SLC12A7: variants seen among roughly 807,000 people sequenced by gnomAD.
SLC12A7 encodes K-Cl cotransporter 4.
A neutral mutation model predicts 120.6 loss-of-function variants in SLC12A7; 100 were observed. The ratio of observed to expected loss-of-function variants is 0.83; its 90% CI spans 0.71 to 0.98. The LOEUF is 0.98. Ranked by LOEUF, SLC12A7 falls within the 50% of genes least tolerant of loss-of-function variation. The pLI is 0.00. For synonymous variants in SLC12A7, 760 were observed against 678.0 expected (o/e 1.12, Z -1.88); for missense variants, 1,373 against 1,548.1 (o/e 0.89, Z 1.90).
chr5:1,078,216 AG>A (rs1738591775), intron 11 of SLC12A7, among the ~76,000 whole-genome samples: 1 of 151,960 alleles, frequency 6.6e-6, no homozygotes, highest in Non-Finnish European at 1.5e-5. Flanking sequence ...TCAGCGGGGG[AG>A]GGGGTCCTGC....
At chr5:1,139,472 GC>G in the SLC12A7 span, among the ~76,000 whole-genome samples, 1 of 152,280 alleles carries the variant, frequency 6.6e-6, no homozygotes, top group Non-Finnish European at 1.5e-5. Flanking sequence ...GGTTGACACT[GC>G]CTGGGCCTTG....
At chr5:1,147,250 A>C in the SLC12A7 span, among the ~76,000 whole-genome samples, 67,683 of 107,358 alleles carry the variant, frequency 0.63, 18,396 homozygotes, top group South Asian at 0.75. Flanking sequence ...CCACCCCGCC[A>C]CCCCCCCCGC....
At chr5:1,148,667 C>A in the SLC12A7 span, among the ~76,000 whole-genome samples, 1 of 152,202 alleles carries the variant, frequency 6.6e-6, no homozygotes, top group African/African-American at 2.4e-5. Flanking sequence ...TGGGCAATGG[C>A]CAACAGTGGG....
At chr5:1,105,713 C>T (rs77940844) in intron 1 of SLC12A7, among the ~76,000 whole-genome samples, 2,629 of 152,336 alleles carry the variant, frequency 0.017, 86 homozygotes, top group African/African-American at 0.06. Flanking sequence ...CTGCCCTTGT[C>T]CCTGGGCAGC....
At chr5:1,128,179 G>A in the SLC12A7 span, among the ~76,000 whole-genome samples, 2 of 152,196 alleles carry the variant, frequency 1.3e-5, no homozygotes, top group East Asian at 1.9e-4. Flanking sequence ...GAACACTCTC[G>A]CCCCTTCCCC....
intron 11 of SLC12A7, 100 bp from the exon 12 acceptor site, chr5:1,078,107 G>A: frequency 1.5e-6 from 2 of 1,377,404 alleles, no homozygotes; most frequent in South Asian, 2.9e-5. Flanking sequence ...AGTGCAGTGG[G>A]GGCGACTCCT....
Position 1,052,394 on chromosome 5 carries a change from C to T in SLC12A7, c.3218G>A (p.Gly1073Asp). 6.2e-7 allele frequency: 1 copy of T among 1,612,896 alleles called. No individual in the cohort carries two copies. Residue 1073 changes from glycine (G) to aspartate (D), a missense_variant, in exon 24 of 24, where the codon GGT (glycine) becomes GAT (aspartate). Transcript: ENST00000264930. ...EGLNRVLLVRGGGREVITIYS is the reference protein window; with the variant it reads ...EGLNRVLLVRDGGREVITIYS ...GATGGTGATCACCTCCCGGCCGCCA[C>T]CCCTGACCAGGAGGACTCTGTTCAG...
intron 21 of SLC12A7, among the ~76,000 whole-genome samples, chr5:1,058,004 G>A (rs62329239): frequency 0.51 from 56,734 of 111,810 alleles, 12,347 homozygotes; most frequent in Non-Finnish European, 0.66. Context: ...TCGCCCACAC[G>A]ACCAGCACGC....
At chr5:1,097,277 C>T (rs1467301386) in intron 1 of SLC12A7, among the ~76,000 whole-genome samples, 2 of 152,154 alleles carry the variant, frequency 1.3e-5, no homozygotes, top group South Asian at 4.1e-4. Flanking sequence ...CCAAGGGGAC[C>T]AACATCCTTC....
In SLC12A7 at chr5:1,077,778, G is replaced by A. The variant is rs1483619286; in HGVS notation, c.1629+55C>T. 4.7e-6 allele frequency: 7 copies of A among 1,482,948 alleles called. No individual in the cohort carries two copies. In the Admixed American group the frequency reaches 7.2e-5, roughly 15 times the overall value. The allele number at this position is 1,482,948 out of a possible 1,614,324, so 91.9% of individuals were successfully genotyped here. ...GCACTGTGAGGATCCCGCAGGGGAG[G>A]AGAGCCCCCGACCCTGACCTTCCAG... On this transcript the variant is annotated intron_variant, in intron 12 of 23. Transcript: ENST00000264930.
At chr5:1,089,571 TA>T (rs35078056) in intron 3 of SLC12A7, among the ~76,000 whole-genome samples, 48,865 of 112,396 alleles carry the variant, frequency 0.43, 9,129 homozygotes, top group Non-Finnish European at 0.51. Context: ...CCCATAAAGC[TA>T]AAAAAAAAAA....
At chr5:1,118,620 G>C in the SLC12A7 span, among the ~76,000 whole-genome samples, 5 of 152,228 alleles carry the variant, frequency 3.3e-5, no homozygotes, top group Admixed American at 3.3e-4. Context: ...CTAGACCGGG[G>C]GATGCCTCTT....
chr5:1,062,271 G>A (rs935667768), intron 20 of SLC12A7, among the ~76,000 whole-genome samples: 2 of 152,224 alleles, frequency 1.3e-5, no homozygotes, highest in African/African-American at 4.8e-5. Context: ...CTCCCAGGCA[G>A]CATTTTGTTA....
the SLC12A7 span, among the ~76,000 whole-genome samples, chr5:1,144,491 G>A: frequency 1.0e-3 from 153 of 152,352 alleles, 1 homozygote; most frequent in East Asian, 6.9e-3. Context: ...TTTGGGGGCA[G>A]GAATTCAACT....
the SLC12A7 span, among the ~76,000 whole-genome samples, chr5:1,152,156 C>T: frequency 5.3e-5 from 8 of 152,150 alleles, no homozygotes; most frequent in African/African-American, 1.9e-4. Context: ...TGGCCAGCCC[C>T]ATCACCTCCC....
At position 1,109,111 on chromosome 5, in the gene SLC12A7, C is replaced by T. The variant is rs551581104; in HGVS notation, c.124+2757G>A. 6.4e-4 allele frequency among the ~76,000 whole-genome samples: 97 copies of T among 152,278 alleles called. 1 individual carries two copies. Among genetic ancestry groups the T allele is most frequent in the Admixed American group, 3.9e-3 (59 of 15,302 alleles). Reference sequence around the variant, plus strand: ...AGGGAGCCCCAGACGAGTGGAAGTCCCTCCTAGACAGTGGGTGGCCAGGGC... The same window carrying T: ...AGGGAGCCCCAGACGAGTGGAAGTCTCTCCTAGACAGTGGGTGGCCAGGGC... On this transcript the variant is annotated intron_variant, in intron 1 of 23. Transcript: ENST00000264930.
intron 6 of SLC12A7, among the ~76,000 whole-genome samples, chr5:1,086,150 G>A (rs1739842567): frequency 6.6e-6 from 1 of 152,188 alleles, no homozygotes; most frequent in Non-Finnish European, 1.5e-5. Flanking sequence ...GACTCGGGTT[G>A]GGACGGGTGT....
intron 21 of SLC12A7, 123 bp downstream of exon 21, chr5:1,060,221 C>T (rs1326628936): frequency 2.7e-6 from 2 of 731,988 alleles, no homozygotes; most frequent in East Asian, 2.5e-5. Context: ...GCCTGCGACG[C>T]AGTACCTGAG....
the SLC12A7 span, among the ~76,000 whole-genome samples, chr5:1,149,872 T>C: frequency 1.3e-5 from 2 of 152,068 alleles, no homozygotes; most frequent in African/African-American, 4.8e-5. Flanking sequence ...CTACTCACAA[T>C]ACAAAAAATT....
Sources: allele counts gnomAD v4.1 joint callset (sites outside exome capture counted in the v4.1 genomes callset), GRCh38; gene constraint gnomAD v4.1.1; transcripts MANE v1.5; gene names NCBI Gene and HGNC (gene_info 2026-07-23, HGNC 2026-07-21).